Variants in POGLUT1 observed in about 807,000 individuals in gnomAD.
The protein encoded by POGLUT1 is 9630046K23Rik.
A neutral mutation model predicts 61.3 loss-of-function variants in POGLUT1; 32 were observed. The ratio of observed to expected loss-of-function variants is 0.52; its 90% CI spans 0.39 to 0.70. The LOEUF (loss-of-function observed/expected upper bound fraction) is 0.70. POGLUT1 is among the 30% of genes least tolerant of loss of function. The pLI is 0.00. For missense variants in POGLUT1, 411 were observed against 469.8 expected, an observed-to-expected ratio of 0.87 and a Z score of 1.16; for synonymous variants, 158 against 158.2, an observed-to-expected ratio of 1.00 and a Z score of 0.01.
intron 8 of POGLUT1, chr3:119,490,144 G>A (rs2081723960): frequency 5.7e-6 from 1 of 175,736 alleles, no homozygotes; most frequent in Non-Finnish European, 1.2e-5. Context: ...GAGACATTAG[G>A]CCTAGAAAAG....
At position 119,470,579 on chromosome 3, in the gene POGLUT1, A is replaced by G. The variant is rs183435931; in HGVS notation, c.176+669A>G. The stretch of plus-strand genomic sequence containing the variant: ...TGACAGAGTGAGACTCCGTCTCAAA[A>G]AAGAGAGAGAATGCACATCAGGGCC... On this transcript the variant is annotated intron_variant, in intron 2 of 10. Coordinates refer to ENST00000295588, the MANE Select transcript of POGLUT1 (RefSeq NM_152305.3). Among the ~76,000 whole-genome samples the G allele has an allele frequency of 2.1e-3, 325 of 152,288 alleles. 2 individuals are homozygous for G. The highest frequency in any genetic ancestry group is 5.8e-3 in the South Asian group (28 of 4,828).
intron 3 of POGLUT1, among the ~76,000 whole-genome samples, chr3:119,473,660 CTT>C (rs771110307): frequency 1.2e-3 from 168 of 142,032 alleles, no homozygotes; most frequent in African/African-American, 3.3e-3. Flanking sequence ...CGTCTAGATA[CTT>C]TTTTTTTTTT....
At chr3:119,478,188 G>A (rs770327704) in intron 4 of POGLUT1, 48 of 364,970 alleles carry the variant, frequency 1.3e-4, no homozygotes, top group Admixed American at 4.2e-4. Context: ...AGAAGAGAGT[G>A]GATGGAAGAT....
At chr3:119,473,273 A>T (rs537695484) in intron 3 of POGLUT1, among the ~76,000 whole-genome samples, 2 of 152,374 alleles carry the variant, frequency 1.3e-5, no homozygotes, top group South Asian at 4.1e-4. Flanking sequence ...GAAATAAAAT[A>T]AGAATATAGA....
chr3:119,479,975 C>A, intron 4 of POGLUT1, 76 bp from the exon 5 acceptor site: 1 of 1,601,648 alleles, frequency 6.2e-7, no homozygotes, highest in Non-Finnish European at 8.5e-7. Context: ...CTGTCCAGAT[C>A]CTGTGGCATG....
rs1311209478 is a variant in POGLUT1, at chr3:119,480,067, A to G, written c.473A>G (p.Asp158Gly). 1.2e-6 allele frequency: 2 copies of G among 1,613,590 alleles called. No individual in the cohort carries two copies. The highest frequency in any genetic ancestry group is 1.7e-6 in the Non-Finnish European group (2 of 1,179,778). ...TTGTTGAAGACATCAGAGTACCATGATATCATGTATCCTGCTTGGACATTT... is the reference window on the plus strand; with the variant it reads ...TTGTTGAAGACATCAGAGTACCATGGTATCATGTATCCTGCTTGGACATTT... Reference protein sequence around the residue: ...FSFSKTSEYHDIMYPAWTFWE... With the variant: ...FSFSKTSEYHGIMYPAWTFWE... The change falls in exon 5 of 11, where the codon GAT (aspartate) becomes GGT (glycine). Residue 158 changes from aspartate to glycine, a missense_variant. Transcript: ENST00000295588.
chr3:119,487,960 C>T (rs1281292259), intron 7 of POGLUT1: 1 of 152,184 alleles, frequency 6.6e-6, no homozygotes, highest in Non-Finnish European at 1.5e-5. Context: ...GGTTTACAGT[C>T]CACTCTCTCC....
Position 119,482,363 on chromosome 3 carries a change from G to A in POGLUT1, c.578+2191G>A, listed in dbSNP as rs886444159. Among the ~76,000 whole-genome samples, 10 of 152,086 alleles carry A rather than the reference G, an allele frequency of 6.6e-5. No individual in the cohort carries two copies. The South Asian group carries it at 1.7e-3, about 25-fold the overall frequency. Reference sequence around the variant, plus strand: ...CTTTCCATGTCTTTGTTTCATGTCAGTACATATGAAAGAGTCACTTTATTT... The same window carrying A: ...CTTTCCATGTCTTTGTTTCATGTCAATACATATGAAAGAGTCACTTTATTT... On this transcript the variant is annotated intron_variant, in intron 5 of 10. Coordinates refer to ENST00000295588, the MANE Select transcript of POGLUT1 (RefSeq NM_152305.3).
intron 5 of POGLUT1, among the ~76,000 whole-genome samples, chr3:119,481,757 A>C (rs1230917298): frequency 6.6e-6 from 1 of 152,254 alleles, no homozygotes; most frequent in Non-Finnish European, 1.5e-5. Context: ...GGTCAAGGTC[A>C]GAAGCAAATC....
chr3:119,481,369 A>G (rs547435262), intron 5 of POGLUT1, among the ~76,000 whole-genome samples: 1 of 152,300 alleles, frequency 6.6e-6, no homozygotes, highest in East Asian at 1.9e-4. Flanking sequence ...TACATTTTAC[A>G]TCATGATTCA....
chr3:119,486,989 AT>A lies in POGLUT1; in HGVS notation c.738+59del, dbSNP rs1488300153. On this transcript the variant is annotated intron_variant, in intron 7 of 10. Coordinates refer to ENST00000295588, the MANE Select transcript of POGLUT1 (RefSeq NM_152305.3). ...CAGTGAACATTCTCACTCAAAGAAC[AT>A]TGCCACCTGGGTAGAATTTGAGATT... The A allele has an allele frequency of 1.6e-5, 18 of 1,100,500 alleles. No homozygotes were observed. In the Admixed American group the frequency reaches 3.0e-4, roughly 19 times the overall value. 68.2% of individuals were successfully genotyped at this position (1,100,500 alleles called of 1,614,324 possible). A position where few individuals can be genotyped will look rare whatever the true frequency, so the allele number is the denominator to read the frequency against.
intron 5 of POGLUT1, among the ~76,000 whole-genome samples, chr3:119,484,004 G>A (rs2081635870): frequency 6.6e-6 from 1 of 152,160 alleles, no homozygotes; most frequent in African/African-American, 2.4e-5. Flanking sequence ...TGAGAACTTT[G>A]CATGAGGAGC....
intron 5 of POGLUT1, among the ~76,000 whole-genome samples, chr3:119,481,915 T>G (rs2081609755): frequency 6.6e-6 from 1 of 152,080 alleles, no homozygotes; most frequent in Non-Finnish European, 1.5e-5. Context: ...AAGGTGTGGT[T>G]TTTTTGTTTC....
intron 3 of POGLUT1, among the ~76,000 whole-genome samples, chr3:119,476,179 A>G (rs2081535741): frequency 6.6e-6 from 1 of 152,296 alleles, no homozygotes; most frequent in African/African-American, 2.4e-5. Context: ...AAAACCTTAA[A>G]AAAAGAGAAA....
chr3:119,476,633 G>A (rs1299972344), intron 3 of POGLUT1, among the ~76,000 whole-genome samples: 1 of 152,128 alleles, frequency 6.6e-6, no homozygotes, highest in Non-Finnish European at 1.5e-5. Context: ...CTAGCATAGT[G>A]CTGGTCAGGA....
intron 3 of POGLUT1, among the ~76,000 whole-genome samples, chr3:119,475,680 G>C (rs572234762): frequency 8.3e-4 from 126 of 152,114 alleles, no homozygotes; most frequent in African/African-American, 2.9e-3. Flanking sequence ...GGGCATGGTG[G>C]CCTGTGCCTG....
In POGLUT1 at chr3:119,474,771, G is replaced by A. The variant is rs137872274; in HGVS notation, c.321-2542G>A. On this transcript the variant is annotated intron_variant, in intron 3 of 10. Coordinates refer to ENST00000295588, the MANE Select transcript of POGLUT1 (RefSeq NM_152305.3). ...GGAAAATCGCTTGAACCCGGGAGGC[G>A]GAGGTTACAGTGAGCTAAGACCACG... 6.1e-3 allele frequency among the ~76,000 whole-genome samples: 932 copies of A among 152,164 alleles called. 8 individuals carry two copies. Among genetic ancestry groups the A allele is most frequent in the African/African-American group, 0.021 (883 of 41,542 alleles).
At chr3:119,479,857 T>A in intron 4 of POGLUT1, 194 bp from the exon 5 acceptor site, 1 of 1,388,382 alleles carries the variant, frequency 7.2e-7, no homozygotes, top group African/African-American at 1.4e-5. Flanking sequence ...TGGAATTCAG[T>A]GAGCCCATGA....
intron 10 of POGLUT1, among the ~76,000 whole-genome samples, 199 bp from the exon 11 acceptor site, chr3:119,492,083 A>AATAAATAC (rs2081755667): frequency 6.6e-6 from 1 of 152,026 alleles, no homozygotes; most frequent in Non-Finnish European, 1.5e-5. Flanking sequence ...TAAATAAATA[A>AATAAATAC]AGGAAAAAGA....
Sources: allele counts gnomAD v4.1 joint callset (sites outside exome capture counted in the v4.1 genomes callset), GRCh38; gene constraint gnomAD v4.1.1; transcripts MANE v1.5; gene names NCBI Gene and HGNC (gene_info 2026-07-23, HGNC 2026-07-21).